TRIM26: variants seen among roughly 807,000 people sequenced by gnomAD.
TRIM26 encodes tripartite motif-containing protein 26.
In TRIM26, 16 loss-of-function variants were observed where a neutral mutation model predicts 45.5. That is an observed-to-expected ratio of 0.35 (90% confidence interval 0.24 to 0.53). The LOEUF (loss-of-function observed/expected upper bound fraction) is 0.53, where lower values mean the gene tolerates loss of function less well. Among genes scored for constraint, TRIM26 ranks in the 20% least tolerant of loss-of-function variants. TRIM26 has a pLI of 0.92. For missense variants in TRIM26, 442 were observed against 691.1 expected, an observed-to-expected ratio of 0.64 and a Z score of 4.04; for synonymous variants, 273 against 290.4, an observed-to-expected ratio of 0.94 and a Z score of 0.61.
chr6:30,187,917 CAAA>C (rs34936729), intron 9 of TRIM26, among the ~76,000 whole-genome samples: 2 of 43,596 alleles, frequency 4.6e-5, no homozygotes, highest in Non-Finnish European at 8.8e-5. Context: ...GACTCCATCT[CAAA>C]AAAAAAAAAA....
At position 30,186,113 on chromosome 6, in the gene TRIM26, C is replaced by T. The variant is rs1247221546; in HGVS notation, c.1383G>A (p.Trp461Ter). The change falls in exon 10 of 10, where the codon TGG (tryptophan) becomes TGA (stop). Residue 461 changes from tryptophan (W) to a stop codon, truncating the protein, a stop_gained. Coordinates refer to ENST00000454678, the MANE Select transcript of TRIM26 (RefSeq NM_003449.5). LOFTEE classifies it high-confidence loss of function. The surrounding 1 kb of genome is among the most constrained non-coding windows in gnomAD (Gnocchi z 7.4). ...TGCCGGAGGAGGAGAGGCGCAGCGC[C>T]CACACGCCATCCTCTGGCCGCAGGG... ...DLSLRPEDGV[W>*]ALRLSSSGIW... 6.3e-7 allele frequency: 1 copy of T among 1,589,398 alleles called. No homozygotes were observed. Among genetic ancestry groups the T allele is most frequent in the Non-Finnish European group, 8.6e-7 (1 of 1,167,710 alleles).
At position 30,190,605 on chromosome 6, in the gene TRIM26, A is replaced by G. The variant is rs188654944; in HGVS notation, c.766-570T>C. On this transcript the variant is annotated intron_variant, in intron 6 of 9. Coordinates refer to ENST00000454678, the MANE Select transcript of TRIM26 (RefSeq NM_003449.5). The surrounding 1 kb of genome is among the most constrained non-coding windows in gnomAD (Gnocchi z 4.3). ...GAAGACTACATTTTCCAGATCCCCT[A>G]CGACAAGGTCTGGTCATGAGACTAA... Among the ~76,000 whole-genome samples, 1,088 of 152,314 alleles carry G rather than the reference A, an allele frequency of 7.1e-3. 42 individuals are homozygous for G. The South Asian group carries it at 0.12, about 17-fold the overall frequency.
chr6:30,187,309 G>T (rs1027923759), intron 9 of TRIM26: 3 of 307,246 alleles, frequency 9.8e-6, no homozygotes, highest in Non-Finnish European at 1.4e-5. Flanking sequence ...CAATTTTATT[G>T]CACAAATTAA....
chr6:30,191,744 A>G (rs1230436396), intron 6 of TRIM26, among the ~76,000 whole-genome samples: 1 of 152,258 alleles, frequency 6.6e-6, no homozygotes, highest in Non-Finnish European at 1.5e-5. Flanking sequence ...GCTATGAAGC[A>G]AGTGCCCAGA....
intron 6 of TRIM26, among the ~76,000 whole-genome samples, chr6:30,193,062 GTATA>G (rs9278605): frequency 2.4e-5 from 3 of 126,032 alleles, no homozygotes; most frequent in South Asian, 4.9e-4. Flanking sequence ...CAGCTTTGTA[GTATA>G]TATATATATA....
At position 30,190,320 on chromosome 6, in the gene TRIM26, A is replaced by C. The variant is rs1334408158; in HGVS notation, c.766-285T>G. On this transcript the variant is annotated intron_variant, in intron 6 of 9. Coordinates refer to ENST00000454678, the MANE Select transcript of TRIM26 (RefSeq NM_003449.5). The surrounding 1 kb of genome is among the most constrained non-coding windows in gnomAD (Gnocchi z 4.3). ...CGGATAAGAAGTACTGGCCGGATGA[A>C]GAGAGGTAAGGTAAAACAGGAAAGG... 8 of 540,018 alleles carry C rather than the reference A, an allele frequency of 1.5e-5. No homozygotes were observed. The highest frequency in any genetic ancestry group is 6.2e-5 in the Admixed American group (2 of 32,002). 33.5% of individuals were successfully genotyped at this position (540,018 alleles called of 1,614,324 possible).
chr6:30,196,761 A>T lies in TRIM26; in HGVS notation c.535-15T>A, dbSNP rs1323465961. The T allele has an allele frequency of 6.2e-7, 1 of 1,613,492 alleles. No individual in the cohort carries two copies. Among genetic ancestry groups the T allele is most frequent in the Admixed American group, 1.7e-5 (1 of 60,008 alleles). On this transcript the variant is annotated splice_polypyrimidine_tract_variant and intron_variant, in intron 5 of 9. Transcript: ENST00000454678. The surrounding 1 kb of genome is among the most constrained non-coding windows in gnomAD (Gnocchi z 4.9). ...TGGAGCTTCTTCTGCAGGGGGCAGG[A>T]AGGGGAGAAGGGCTGACACCTCTGC...
chr6:30,210,722 AG>A (rs1160455340), intron 1 of TRIM26, among the ~76,000 whole-genome samples: 2 of 125,498 alleles, frequency 1.6e-5, no homozygotes, highest in Admixed American at 7.9e-5. Context: ...ATAACACAAC[AG>A]AATAACAATA....
At chr6:30,191,828 G>A (rs1775874467) in intron 6 of TRIM26, among the ~76,000 whole-genome samples, 1 of 152,220 alleles carries the variant, frequency 6.6e-6, no homozygotes, top group African/African-American at 2.4e-5. Context: ...GGCTTCAGAG[G>A]ACAGGCAACA....
At position 30,193,136 on chromosome 6, in the gene TRIM26, A is replaced by ATG. The variant is rs9278607; in HGVS notation, c.766-3103_766-3102dup. On this transcript the variant is annotated intron_variant, in intron 6 of 9. Transcript: ENST00000454678. ...TATATGTGTATATATATATACATAT[A>ATG]TGTGTGTGTGTGTGTGTGTGTGTGT... Among the ~76,000 whole-genome samples, 107 of 51,676 alleles carry ATG rather than the reference A, an allele frequency of 2.1e-3. 2 individuals are homozygous for ATG. The highest frequency in any genetic ancestry group is 0.03 in the Middle Eastern group (2 of 66). The allele number at this position is 51,676 out of a possible 152,430, so 33.9% of individuals were successfully genotyped here.
At position 30,203,040 on chromosome 6, in the gene TRIM26, CTCTT is replaced by C. The variant is rs1237506031; in HGVS notation, c.-266+1612_-266+1615del. On this transcript the variant is annotated intron_variant, in intron 2 of 9. Transcript: ENST00000454678. ...AGATCATATTAAAAAATTATTTCCT[CTCTT>C]TCTTTTTTTTTTTTTTTTTTTTGAG... Among the ~76,000 whole-genome samples the C allele has an allele frequency of 2.7e-4, 36 of 134,674 alleles. No homozygotes were observed. The South Asian group carries it at 4.4e-3, about 17-fold the overall frequency. The allele number at this position is 134,674 out of a possible 152,430, so 88.4% of individuals were successfully genotyped here.
chr6:30,190,186 C>T lies in TRIM26; in HGVS notation c.766-151G>A. 1 of 774,428 alleles carries T rather than the reference C, an allele frequency of 1.3e-6. No homozygotes were observed. The highest frequency in any genetic ancestry group is 2.1e-6 in the Non-Finnish European group (1 of 477,390). The allele number at this position is 774,428 out of a possible 1,614,324, so 48.0% of individuals were successfully genotyped here. On this transcript the variant is annotated intron_variant, in intron 6 of 9. Transcript: ENST00000454678. This position sits in a 1 kb window ranked among gnomAD's most constrained non-coding sequence, Gnocchi z 4.3. ...TGGAGCTGACATTCCAGTGGGGTCA[C>T]TGCATAAAACAACAAGAAAACAAAC...
At chr6:30,204,368 A>G (rs1244284186) in intron 2 of TRIM26, among the ~76,000 whole-genome samples, 1 of 152,240 alleles carries the variant, frequency 6.6e-6, no homozygotes, top group East Asian at 1.9e-4. Context: ...TTGTAAGCGG[A>G]GTAATGCTGA....
chr6:30,209,525 T>A lies in TRIM26; in HGVS notation c.-376+3780A>T, dbSNP rs576139477. On this transcript the variant is annotated intron_variant, in intron 1 of 9. Coordinates refer to ENST00000454678, the MANE Select transcript of TRIM26 (RefSeq NM_003449.5). The surrounding 1 kb of genome is among the most constrained non-coding windows in gnomAD (Gnocchi z 4.8). Reference sequence around the variant, plus strand: ...GAGTCCATTGGCCAGAACCGTGAGCTGAATAAACATCTGTTGTTTACAATT... The same window carrying A: ...GAGTCCATTGGCCAGAACCGTGAGCAGAATAAACATCTGTTGTTTACAATT... 2.2e-4 allele frequency among the ~76,000 whole-genome samples: 33 copies of A among 152,332 alleles called. No individual in the cohort carries two copies. Among genetic ancestry groups the A allele is most frequent in the African/African-American group, 7.7e-4 (32 of 41,572 alleles).
At chr6:30,192,951 T>C (rs1363557842) in intron 6 of TRIM26, among the ~76,000 whole-genome samples, 1 of 151,196 alleles carries the variant, frequency 6.6e-6, no homozygotes, top group Non-Finnish European at 1.5e-5. Flanking sequence ...TTGTTGAAAA[T>C]CAGTTGGCTG....
intron 6 of TRIM26, among the ~76,000 whole-genome samples, chr6:30,193,162 G>GTATATATATATATATATA (rs1554201636): frequency 1.6e-4 from 5 of 31,998 alleles, no homozygotes; most frequent in African/African-American, 8.6e-4. Flanking sequence ...GTGTGTGTGT[G>GTATATATATATATATATA]TATATATATA....
rs1312409886 is a variant in TRIM26 at position 30,189,655 on chromosome 6, G to A, written c.789-122C>T. On this transcript the variant is annotated intron_variant, in intron 7 of 9. Transcript: ENST00000454678. This position sits in a 1 kb window ranked among gnomAD's most constrained non-coding sequence, Gnocchi z 5.0. The stretch of plus-strand genomic sequence containing the variant: ...GAAAGGTATGATTATCCCCAAACAA[G>A]TGACAGAAAAACAGTGGCCCAAAGA... The A allele has an allele frequency of 2.3e-6, 2 of 877,778 alleles. No individual in the cohort carries two copies. Among genetic ancestry groups the A allele is most frequent in the African/African-American group, 1.7e-5 (1 of 60,166 alleles). The allele number at this position is 877,778 out of a possible 1,614,324, so 54.4% of individuals were successfully genotyped here.
At chr6:30,193,432 G>A (rs1322312442) in intron 6 of TRIM26, among the ~76,000 whole-genome samples, 1 of 151,246 alleles carries the variant, frequency 6.6e-6, no homozygotes, top group Non-Finnish European at 1.5e-5. Context: ...CGCCTGTCTC[G>A]GCCTCACAAA....
In TRIM26 at chr6:30,186,807, C is replaced by T; in HGVS notation, c.938-249G>A. ...CTGAAATTTAACTTGACTGTTTTCG[C>T]TTACGCTCTGATTCCAAACAAAACT... On this transcript the variant is annotated intron_variant, in intron 9 of 9. Transcript: ENST00000454678. The surrounding 1 kb of genome is among the most constrained non-coding windows in gnomAD (Gnocchi z 7.4). The T allele has an allele frequency of 9.1e-7, 1 of 1,099,810 alleles. No individual in the cohort carries two copies. Among genetic ancestry groups the T allele is most frequent in the Non-Finnish European group, 1.4e-6 (1 of 731,072 alleles). 68.1% of individuals were successfully genotyped at this position (1,099,810 alleles called of 1,614,324 possible).
Sources: gnomAD v4.1 joint callset for allele counts (sites outside exome capture counted in the v4.1 genomes callset) on GRCh38, gnomAD v4.1.1 for gene constraint, Gnocchi (gnomAD v3.1) non-coding constraint, MANE v1.5 for transcripts, NCBI Gene and HGNC (gene_info 2026-07-23, HGNC 2026-07-21) for gene names.